DLGAP1: variants seen among roughly 807,000 people sequenced by gnomAD.
DLGAP1 encodes the protein disks large-associated protein 1.
A neutral mutation model predicts 90.8 loss-of-function variants in DLGAP1; 11 were observed. The ratio of observed to expected loss-of-function variants is 0.12; its 90% confidence interval spans 0.08 to 0.20. The LOEUF (loss-of-function observed/expected upper bound fraction) is 0.20. Ranked by LOEUF, DLGAP1 falls within the 10% of genes least tolerant of loss-of-function variation. DLGAP1 has a pLI of 1.00. For synonymous variants in DLGAP1, 558 were observed against 540.7 expected (o/e 1.03, Z -0.44); for missense variants, 1,050 against 1,333.8 (o/e 0.79, Z 3.31).
At chr18:4,392,562 G>A (rs1314471633) in intron 1 of DLGAP1, among the ~76,000 whole-genome samples, 6 of 152,304 alleles carry the variant, frequency 3.9e-5, no homozygotes, top group Middle Eastern at 3.4e-3. Context: ...AGTTAAAAGA[G>A]AGTGCTGCTA....
At chr18:3,835,422 G>A (rs2068310966) in intron 4 of DLGAP1, among the ~76,000 whole-genome samples, 1 of 151,956 alleles carries the variant, frequency 6.6e-6, no homozygotes. Flanking sequence ...AGGCTGAGGG[G>A]GCAGATCATG....
intron 1 of DLGAP1, among the ~76,000 whole-genome samples, chr18:4,425,872 C>CT (rs927004931): frequency 1.3e-5 from 2 of 152,156 alleles, no homozygotes; most frequent in Non-Finnish European, 2.9e-5. Context: ...ATTAAAGTTT[C>CT]TCTCTTTCCC....
Position 3,727,898 on chromosome 18 carries a change from G to C in DLGAP1, c.1591+1237C>G, listed in dbSNP as rs1009379247. On this transcript the variant is annotated intron_variant, in intron 7 of 12. Coordinates refer to ENST00000315677, the MANE Select transcript of DLGAP1 (RefSeq NM_004746.4). This position sits in a 1 kb window ranked among gnomAD's most constrained non-coding sequence, Gnocchi z 4.7. ...TGCTGAGCTGCTTGGCCAACGCAAGGTCTGGAAGCATCTCTTCTCCTAACA... is the reference window on the plus strand; with the variant it reads ...TGCTGAGCTGCTTGGCCAACGCAAGCTCTGGAAGCATCTCTTCTCCTAACA... The C allele has an allele frequency of 6.6e-6, 1 of 152,076 alleles. No individual in the cohort carries two copies. The highest frequency in any genetic ancestry group is 1.5e-5 in the Non-Finnish European group (1 of 68,030). The allele number at this position is 152,076 out of a possible 1,614,324, so 9.4% of individuals were successfully genotyped here.
chr18:3,580,313 C>T (rs2055415217), intron 8 of DLGAP1: 5 of 1,613,768 alleles, frequency 3.1e-6, no homozygotes, highest in African/African-American at 1.3e-5. Flanking sequence ...CACCAAAAGG[C>T]ACAAGTCCCT....
In DLGAP1 at chr18:3,782,224, C is replaced by T. The variant is rs904938709; in HGVS notation, c.1172+31835G>A. On this transcript the variant is annotated intron_variant, in intron 5 of 12. Transcript: ENST00000315677. ...CAATCTCGGCTCACTGTGACCTCCG[C>T]CTCCTGGGTTCAAGCAATTCTCCTG... 2.7e-4 allele frequency among the ~76,000 whole-genome samples: 41 copies of T among 151,846 alleles called. 1 individual carries two copies. The highest frequency in any genetic ancestry group is 9.0e-4 in the African/African-American group (37 of 41,314).
intron 5 of DLGAP1, among the ~76,000 whole-genome samples, chr18:3,742,810 C>T (rs903901231): frequency 6.6e-6 from 1 of 152,154 alleles, no homozygotes; most frequent in Admixed American, 6.5e-5. Context: ...AATTGTCCTG[C>T]CCAGGAATTC....
chr18:4,434,833 C>T (rs1376260176), intron 1 of DLGAP1, among the ~76,000 whole-genome samples: 1 of 152,062 alleles, frequency 6.6e-6, no homozygotes, highest in Non-Finnish European at 1.5e-5. Flanking sequence ...GTAAGGACAT[C>T]CCAAGGAAAG....
Position 3,879,830 on chromosome 18 carries a change from T to C in DLGAP1, c.239A>G (p.Glu80Gly). The change falls in exon 4 of 13, where the codon GAG becomes GGG. Residue 80 changes from glutamate to glycine, a missense_variant. This residue lies in a region of DLGAP1 where 485 missense variants were observed against 454.1 expected (regional missense o/e 1.07). Transcript: ENST00000315677. This position sits in a 1 kb window ranked among gnomAD's most constrained non-coding sequence, Gnocchi z 6.6. Reference sequence around the variant, plus strand: ...CACCAGGGCACACTCGTCCTTCAGCTCTTGCTGCGAGGTGTAGTGCCTGCG... The same window carrying C: ...CACCAGGGCACACTCGTCCTTCAGCCCTTGCTGCGAGGTGTAGTGCCTGCG... ...FPRRHYTSQQELKDECALVPR... is the reference protein window; with the variant it reads ...FPRRHYTSQQGLKDECALVPR... 3.1e-6 allele frequency: 5 copies of C among 1,609,154 alleles called. No homozygotes were observed. The highest frequency in any genetic ancestry group is 1.1e-5 in the South Asian group (1 of 91,030).
At chr18:3,528,238 G>T (rs1157212317) in intron 10 of DLGAP1, among the ~76,000 whole-genome samples, 1 of 152,092 alleles carries the variant, frequency 6.6e-6, no homozygotes, top group Non-Finnish European at 1.5e-5. Context: ...CCCATTTATC[G>T]AAGCTATTTT....
At chr18:3,731,149 T>C (rs977947737) in intron 6 of DLGAP1, among the ~76,000 whole-genome samples, 1 of 152,142 alleles carries the variant, frequency 6.6e-6, no homozygotes, top group Non-Finnish European at 1.5e-5. Context: ...TATGTCTATA[T>C]ACATCTGCAA....
chr18:4,405,649 C>T, intron 1 of DLGAP1, among the ~76,000 whole-genome samples: 1 of 152,092 alleles, frequency 6.6e-6, no homozygotes, highest in East Asian at 1.9e-4. Flanking sequence ...ATTTTACACT[C>T]TTACACTTAA....
intron 5 of DLGAP1, among the ~76,000 whole-genome samples, chr18:3,745,481 T>A (rs1368965607): frequency 2.6e-5 from 4 of 152,156 alleles, no homozygotes; most frequent in Non-Finnish European, 4.4e-5. Flanking sequence ...GTGGTTGCAA[T>A]GTTGCTATAA....
intron 2 of DLGAP1, among the ~76,000 whole-genome samples, chr18:4,100,140 C>T (rs375985050): frequency 3.9e-5 from 6 of 152,268 alleles, no homozygotes; most frequent in African/African-American, 1.4e-4. Context: ...TTGACAAAAT[C>T]CATCAGAGGA....
chr18:3,968,780 C>CAGCT (rs1393159074), intron 3 of DLGAP1, among the ~76,000 whole-genome samples: 2 of 152,080 alleles, frequency 1.3e-5, no homozygotes, highest in African/African-American at 4.8e-5. Context: ...TTTATTGGAA[C>CAGCT]AGCTAATAAG....
chr18:3,724,753 A>G (rs2062099126), intron 7 of DLGAP1, among the ~76,000 whole-genome samples: 1 of 152,034 alleles, frequency 6.6e-6, no homozygotes, highest in Non-Finnish European at 1.5e-5. Context: ...TGAAAAAAAA[A>G]TTAGCCAGGC....
chr18:3,863,127 G>A (rs996929116), intron 4 of DLGAP1, among the ~76,000 whole-genome samples: 16 of 152,236 alleles, frequency 1.1e-4, no homozygotes, highest in Non-Finnish European at 1.9e-4. Context: ...CACTAGAAAC[G>A]TAGCTACGGT....
At chr18:4,369,638 G>C (rs1260111043) in intron 1 of DLGAP1, among the ~76,000 whole-genome samples, 1 of 151,814 alleles carries the variant, frequency 6.6e-6, no homozygotes, top group African/African-American at 2.4e-5. Flanking sequence ...GTCAGTGTTT[G>C]ACAGACAGAT....
At chr18:3,670,130 G>A (rs1389733868) in intron 7 of DLGAP1, among the ~76,000 whole-genome samples, 1 of 152,144 alleles carries the variant, frequency 6.6e-6, no homozygotes, top group Non-Finnish European at 1.5e-5. Context: ...CCTAAAAATT[G>A]TATTGCTGGA....
intron 3 of DLGAP1, among the ~76,000 whole-genome samples, chr18:3,882,729 T>C (rs188794688): frequency 6.6e-6 from 1 of 152,244 alleles, no homozygotes; most frequent in African/African-American, 2.4e-5. Flanking sequence ...CAGAGGCTGC[T>C]ATTCCATCAG....
Sources: gnomAD v4.1 joint callset for allele counts (sites outside exome capture counted in the v4.1 genomes callset) on GRCh38, gnomAD v4.1.1 for gene constraint, gnomAD v4.1.1 regional missense constraint, Gnocchi (gnomAD v3.1) non-coding constraint, MANE v1.5 for transcripts, NCBI Gene and HGNC (gene_info 2026-07-23, HGNC 2026-07-21) for gene names.